TXNRD2: variants seen among roughly 807,000 people sequenced by gnomAD.
TXNRD2 encodes thioredoxin reductase 2, mitochondrial.
A neutral mutation model predicts 70.8 loss-of-function variants in TXNRD2; 67 were observed. That is an observed-to-expected ratio of 0.95 (90% CI 0.78 to 1.16). The LOEUF (loss-of-function observed/expected upper bound fraction) is 1.16, where lower values mean the gene tolerates loss of function less well. TXNRD2 is among the 50% of genes most tolerant of loss of function. The pLI, the probability that TXNRD2 is intolerant of heterozygous loss-of-function variation, is 0.00. For synonymous variants in TXNRD2, 301 were observed against 295.8 expected (o/e 1.02, Z -0.18); for missense variants, 644 against 719.9 (o/e 0.89, Z 1.21).
intron 8 of TXNRD2, among the ~76,000 whole-genome samples, chr22:19,906,413 C>T (rs1056762743): frequency 1.6e-4 from 24 of 152,042 alleles, no homozygotes; most frequent in African/African-American, 5.8e-4. Flanking sequence ...TCACTTGAGC[C>T]CAGGAGTTCA....
At chr22:19,875,996 G>A (rs994972375) in intron 17 of TXNRD2, 189 bp from the exon 18 acceptor site, 1 of 152,266 alleles carries the variant, frequency 6.6e-6, no homozygotes, top group Admixed American at 6.5e-5. Flanking sequence ...ATTTTGAAAT[G>A]ATAAAAATTT....
At chr22:19,928,525 T>C (rs1301205351) in intron 2 of TXNRD2, among the ~76,000 whole-genome samples, 1 of 152,122 alleles carries the variant, frequency 6.6e-6, no homozygotes, top group Non-Finnish European at 1.5e-5. Context: ...ATGCAAACTA[T>C]AGTGACAGAC....
At chr22:19,912,137 G>A (rs1940439877) in intron 7 of TXNRD2, among the ~76,000 whole-genome samples, 2 of 152,168 alleles carry the variant, frequency 1.3e-5, no homozygotes, top group Admixed American at 1.3e-4. Flanking sequence ...CACCTGAAGA[G>A]GGGCGGCCAA....
intron 1 of TXNRD2, among the ~76,000 whole-genome samples, chr22:19,938,476 C>A (rs55704968): frequency 3.3e-5 from 5 of 152,082 alleles, no homozygotes; most frequent in African/African-American, 1.2e-4. Flanking sequence ...AGGTTGAGGG[C>A]CTAGTTGATA....
At chr22:19,894,741 G>A (rs1939418088) in intron 11 of TXNRD2, 1 of 274,134 alleles carries the variant, frequency 3.6e-6, no homozygotes, top group Admixed American at 5.2e-5. Context: ...TGTAATCTCA[G>A]TACTTTGGGA....
chr22:19,879,779 C>T (rs929820423), intron 14 of TXNRD2, among the ~76,000 whole-genome samples: 6 of 152,108 alleles, frequency 3.9e-5, no homozygotes, highest in Admixed American at 1.3e-4. Flanking sequence ...GGGGCCAGTG[C>T]TCAGCTGACC....
chr22:19,878,190 G>A lies in TXNRD2; in HGVS notation c.1348-3C>T. ...GGGGGCTCCCTCAGGCACACCATCT[G>A]AAAGCCGCACATCTCAGCCACCAGC... On this transcript the variant is annotated splice_region_variant and splice_polypyrimidine_tract_variant and intron_variant, in intron 15 of 17. Transcript: ENST00000400521. 6.2e-7 allele frequency: 1 copy of A among 1,612,818 alleles called. No individual in the cohort carries two copies. Among genetic ancestry groups the A allele is most frequent in the Non-Finnish European group, 8.5e-7 (1 of 1,179,800 alleles).
intron 11 of TXNRD2, among the ~76,000 whole-genome samples, chr22:19,892,428 C>T (rs1257760247): frequency 6.6e-6 from 1 of 152,256 alleles, no homozygotes; most frequent in African/African-American, 2.4e-5. Context: ...AAAGCTTCCA[C>T]CCCCAGCATC....
intron 1 of TXNRD2, chr22:19,932,467 G>A (rs1466766427): frequency 1.2e-6 from 2 of 1,601,746 alleles, no homozygotes; most frequent in South Asian, 1.1e-5. Context: ...AGGCAGGCAA[G>A]GGGCAGCCAA....
At chr22:19,899,701 C>A (rs1472713601) in intron 8 of TXNRD2, among the ~76,000 whole-genome samples, 1 of 152,242 alleles carries the variant, frequency 6.6e-6, no homozygotes, top group African/African-American at 2.4e-5. Flanking sequence ...ATGTGTTTTG[C>A]ATGCACATGT....
chr22:19,940,295 T>A (rs1289049986), intron 1 of TXNRD2, among the ~76,000 whole-genome samples: 2 of 147,140 alleles, frequency 1.4e-5, no homozygotes, highest in African/African-American at 5.0e-5. Context: ...TATGGTTTAG[T>A]AACAGACTGG....
chr22:19,898,088 A>T lies in TXNRD2; in HGVS notation c.725T>A (p.Leu242Gln), dbSNP rs1167964472. 1.3e-6 allele frequency: 2 copies of T among 1,567,596 alleles called. No individual in the cohort carries two copies. ...ECAGFLTGIG[L>Q]DTTIMMRSIP... ...GCTGCGCATCATGATGGTGGTGTCC[A>T]GCCCAATCCCGGTGAGGAAGCCAGC... Residue 242 changes from leucine (L) to glutamine (Q), a missense_variant, in exon 10 of 18, where the codon CTG (leucine) becomes CAG (glutamine). Leu to Gln is a moderately radical substitution (Grantham distance 113). Transcript: ENST00000400521.
Position 19,915,195 on chromosome 22 carries a change from AT to A in TXNRD2, c.591+18del, listed in dbSNP as rs200848663. On this transcript the variant is annotated intron_variant, in intron 7 of 17. Coordinates refer to ENST00000400521, the MANE Select transcript of TXNRD2 (RefSeq NM_006440.5). The stretch of plus-strand genomic sequence containing the variant: ...AATGGGCCACGGCAGCAGGGACGCT[AT>A]GCTCTGGGGACACTCACGTGCGTGG... 1.4e-3 allele frequency: 2,213 copies of A among 1,613,036 alleles called. 24 individuals are homozygous for A. In the African/African-American group the frequency reaches 0.026, roughly 19 times the overall value.
intron 5 of TXNRD2, among the ~76,000 whole-genome samples, chr22:19,917,408 T>C (rs188253691): frequency 6.6e-6 from 1 of 152,144 alleles, no homozygotes; most frequent in Non-Finnish European, 1.5e-5. Flanking sequence ...GGCTCCACTT[T>C]CCTGGATTTA....
intron 1 of TXNRD2, among the ~76,000 whole-genome samples, chr22:19,934,397 A>AAC (rs1555915983): frequency 6.6e-6 from 1 of 151,232 alleles, no homozygotes; most frequent in Non-Finnish European, 1.5e-5. Flanking sequence ...AAAAAAAAAA[A>AAC]AAAACTGCAC....
At chr22:19,933,594 T>TGC in intron 1 of TXNRD2, 1 of 1,054,518 alleles carries the variant, frequency 9.5e-7, no homozygotes, top group South Asian at 1.4e-5. Flanking sequence ...TCGCCCCCTG[T>TGC]GCACACCCAG....
intron 2 of TXNRD2, among the ~76,000 whole-genome samples, chr22:19,928,805 G>A (rs1481110518): frequency 6.6e-6 from 1 of 152,042 alleles, no homozygotes; most frequent in Admixed American, 6.5e-5. Context: ...CCAGAAGTTC[G>A]AGACCAGCTT....
intron 11 of TXNRD2, chr22:19,894,616 A>G: frequency 5.6e-6 from 1 of 179,146 alleles, no homozygotes; most frequent in South Asian, 1.1e-4. Context: ...CAACAGAGAG[A>G]GACCCTGTTT....
chr22:19,898,180 T>C (rs1939603482), intron 9 of TXNRD2, 50 bp from the exon 10 acceptor site: 4 of 1,504,916 alleles, frequency 2.7e-6, no homozygotes, highest in African/African-American at 1.4e-5. Flanking sequence ...TTGGAAATGA[T>C]GGGACAACAC....
Sources: allele counts gnomAD v4.1 joint callset (sites outside exome capture counted in the v4.1 genomes callset), GRCh38; gene constraint gnomAD v4.1.1; transcripts MANE v1.5; gene names NCBI Gene and HGNC (gene_info 2026-07-23, HGNC 2026-07-21).